The following SYNE1 variants were observed in gnomAD, a reference collection of about 807,000 sequenced individuals.
SYNE1 encodes nesprin-1.
A neutral mutation model predicts 1,111.0 loss-of-function variants in SYNE1; 616 were observed. The observed-to-expected ratio is 0.55, with a 90% CI of 0.52 to 0.59. The LOEUF is 0.59. Among genes scored for constraint, SYNE1 ranks in the 20% least tolerant of loss-of-function variants. SYNE1 has a pLI of 0.00. For synonymous variants in SYNE1, 3,855 were observed against 3,825.8 expected, an observed-to-expected ratio of 1.01 and a Z score of -0.28; for missense variants, 10,006 against 10,417.0, an observed-to-expected ratio of 0.96 and a Z score of 1.72.
Position 152,323,692 on chromosome 6 carries a change from G to C in SYNE1, c.15703C>G (p.Pro5235Ala). The C allele has an allele frequency of 6.2e-7, 1 of 1,614,178 alleles. No homozygotes were observed. The highest frequency in any genetic ancestry group is 8.5e-7 in the Non-Finnish European group (1 of 1,180,034). Residue 5235 changes from proline to alanine, a missense_variant, in exon 82 of 146, where the codon CCT becomes GCT. Coordinates refer to ENST00000367255, the MANE Select transcript of SYNE1 (RefSeq NM_182961.4). ...EMIDQLQDKL[P>A]GSSAEKASKA... is the part of the protein sequence containing the mutation. The stretch of plus-strand genomic sequence containing the variant: ...GATGCTTTCTCTGCTGAACTTCCAG[G>C]TAACTTATCTTGCAGCTGATCAATC...
intron 34 of SYNE1, among the ~76,000 whole-genome samples, chr6:152,431,835 A>G (rs2098432803): frequency 6.6e-6 from 1 of 152,142 alleles, no homozygotes; most frequent in African/African-American, 2.4e-5. Context: ...GGTATATCTC[A>G]TCAATATTTG....
At chr6:152,351,422 T>C (rs776034844) in intron 70 of SYNE1, among the ~76,000 whole-genome samples, 7 of 152,214 alleles carry the variant, frequency 4.6e-5, no homozygotes, top group Admixed American at 2.6e-4. Context: ...ATCATCCAGA[T>C]CAAATTTATA....
chr6:152,263,950 C>T lies in SYNE1; in HGVS notation c.18816-1762G>A, dbSNP rs116658747. Among the ~76,000 whole-genome samples, 414 of 151,856 alleles carry T rather than the reference C, an allele frequency of 2.7e-3. 3 individuals are homozygous for T. Among genetic ancestry groups the T allele is most frequent in the African/African-American group, 9.5e-3 (395 of 41,470 alleles). On this transcript the variant is annotated intron_variant, in intron 100 of 145. Coordinates refer to ENST00000367255, the MANE Select transcript of SYNE1 (RefSeq NM_182961.4). The stretch of plus-strand genomic sequence containing the variant: ...GACGAAAATGGGCTGGGTGTGGTGG[C>T]TCATGCCCAGCACTTTGGGAGGCCA...
intron 32 of SYNE1, among the ~76,000 whole-genome samples, chr6:152,438,509 CAT>C (rs2098497424): frequency 2.0e-5 from 3 of 152,256 alleles, no homozygotes; most frequent in African/African-American, 4.8e-5. Flanking sequence ...TCTTAGAAAA[CAT>C]ATGAGTGGCA....
At chr6:152,455,779 C>T in intron 23 of SYNE1, 107 bp downstream of exon 23, 11 of 1,504,578 alleles carry the variant, frequency 7.3e-6, no homozygotes, top group Non-Finnish European at 1.0e-5. Flanking sequence ...CTTCCAAACA[C>T]CAGCAGGTAA....
Position 152,331,624 on chromosome 6 carries a change from T to C in SYNE1, c.13061A>G (p.Gln4354Arg), listed in dbSNP as rs2096249908. Residue 4354 changes from glutamine to arginine, a missense_variant, in exon 78 of 146, where the codon CAG becomes CGG. Physicochemically the swap from Gln to Arg is conservative, Grantham distance 43. This residue lies in a region of SYNE1 where 4,955 missense variants were observed against 5,017.2 expected (regional missense o/e 0.99). Coordinates refer to ENST00000367255, the MANE Select transcript of SYNE1 (RefSeq NM_182961.4). ...CTCTTCTGCCCACTCCATTAGCTCC[T>C]GAAATCTGGACTGCACCACATTTAA... is the stretch of plus-strand genomic sequence containing the variant. Reference protein sequence around the residue: ...EELNVVQSRFQELMEWAEEQQ... With the variant: ...EELNVVQSRFRELMEWAEEQQ... 1 of 1,614,192 alleles carries C rather than the reference T, an allele frequency of 6.2e-7. No homozygotes were observed.
In SYNE1 at chr6:152,202,377, A is replaced by G. The variant is rs1332721636; in HGVS notation, c.23020-428T>C. ...AAAAAAAAAAAAAAAAAAGCAAAAA[A>G]AAAAAAGAACAAAGTTGCGCTGATG... On this transcript the variant is annotated intron_variant, in intron 126 of 145. Transcript: ENST00000367255. Among the ~76,000 whole-genome samples the G allele has an allele frequency of 1.7e-4, 26 of 150,150 alleles. 2 individuals carry two copies. Among genetic ancestry groups the G allele is most frequent in the Admixed American group, 1.2e-3 (18 of 15,134 alleles).
intron 3 of SYNE1, among the ~76,000 whole-genome samples, chr6:152,600,970 A>G (rs2099594786): frequency 2.0e-5 from 3 of 152,242 alleles, no homozygotes; most frequent in Non-Finnish European, 4.4e-5. Flanking sequence ...GATGGGAAAC[A>G]TGCTGTGATT....
At chr6:152,327,161 C>T (rs1300550786) in intron 78 of SYNE1, among the ~76,000 whole-genome samples, 1 of 152,030 alleles carries the variant, frequency 6.6e-6, no homozygotes, top group Non-Finnish European at 1.5e-5. Context: ...AGTGTGGTGG[C>T]ACATGCCTGT....
At position 152,281,808 on chromosome 6, in the gene SYNE1, T is replaced by C; in HGVS notation, c.18380A>G (p.Gln6127Arg). The C allele has an allele frequency of 1.2e-6, 2 of 1,614,186 alleles. No individual in the cohort carries two copies. Among genetic ancestry groups the C allele is most frequent in the Non-Finnish European group, 1.7e-6 (2 of 1,180,016 alleles). Reference protein sequence around the residue: ...MDMEAQLMDCQNMLVEIEQKV... With the variant: ...MDMEAQLMDCRNMLVEIEQKV... The stretch of plus-strand genomic sequence containing the variant: ...ATTCCTTTGAGACCATTTTGGTACC[T>C]GGCAGTCCATAAGCTGGGCCTCCAT... The change falls in exon 97 of 146, where the codon CAG (glutamine) becomes CGG (arginine). Residue 6127 changes from glutamine (Q) to arginine (R), a missense_variant and splice_region_variant. Transcript: ENST00000367255.
Position 152,189,334 on chromosome 6 carries a change from G to A in SYNE1, c.23219C>T (p.Ala7740Val). ...QLSLLKDTLS[A>V]YISADDISIL... ...GGAGATATCATCAGCACTGATATAGGCAGAGAGGGTGTCCTTCAGCAGGCT... is the reference window on the plus strand; with the variant it reads ...GGAGATATCATCAGCACTGATATAGACAGAGAGGGTGTCCTTCAGCAGGCT... The change falls in exon 128 of 146, where the codon GCC (alanine) becomes GTC (valine). Residue 7740 changes from alanine to valine, a missense_variant. Coordinates refer to ENST00000367255, the MANE Select transcript of SYNE1 (RefSeq NM_182961.4). The A allele has an allele frequency of 1.2e-6, 2 of 1,614,000 alleles. No homozygotes were observed. Among genetic ancestry groups the A allele is most frequent in the African/African-American group, 1.3e-5 (1 of 75,006 alleles).
intron 131 of SYNE1, among the ~76,000 whole-genome samples, chr6:152,157,798 G>A (rs1454544374): frequency 1.4e-5 from 2 of 146,218 alleles, no homozygotes; most frequent in Non-Finnish European, 3.0e-5. Flanking sequence ...TCACTCTGTC[G>A]CCCAGGCTGG....
intron 126 of SYNE1, 113 bp from the exon 127 acceptor site, chr6:152,202,062 G>C: frequency 4.4e-6 from 6 of 1,364,670 alleles, no homozygotes; most frequent in Non-Finnish European, 5.1e-6. Context: ...AAGTTACACT[G>C]ATGGCTGAGT....
intron 64 of SYNE1, 58 bp downstream of exon 64, chr6:152,362,112 T>C (rs905476792): frequency 6.2e-6 from 10 of 1,613,452 alleles, no homozygotes; most frequent in African/African-American, 5.3e-5. Flanking sequence ...TTTGTCTGAC[T>C]GTGGCATTCT....
chr6:152,190,252 A>C (rs2071841421), intron 127 of SYNE1, among the ~76,000 whole-genome samples: 1 of 152,172 alleles, frequency 6.6e-6, no homozygotes, highest in Non-Finnish European at 1.5e-5. Flanking sequence ...CAGAAACTCA[A>C]TCACATCTTC....
intron 68 of SYNE1, 71 bp downstream of exon 68, chr6:152,353,517 GT>G: frequency 1.2e-6 from 2 of 1,611,630 alleles, no homozygotes; most frequent in Non-Finnish European, 8.5e-7. Context: ...TTCACTGGAT[GT>G]TAGTGAAAGG....
At chr6:152,343,941 T>C (rs1412867912) in intron 74 of SYNE1, 140 bp downstream of exon 74, 1 of 1,224,154 alleles carries the variant, frequency 8.2e-7, no homozygotes, top group Admixed American at 2.0e-5. Flanking sequence ...TGAACTCCAC[T>C]AGAGCCAACC....
chr6:152,516,147 A>G (rs984433623), intron 6 of SYNE1, among the ~76,000 whole-genome samples: 1 of 152,198 alleles, frequency 6.6e-6, no homozygotes, highest in African/African-American at 2.4e-5. Flanking sequence ...AAAACTCATT[A>G]CTTCCCACAG....
chr6:152,419,476 A>T, intron 40 of SYNE1, 93 bp downstream of exon 40: 2 of 1,284,550 alleles, frequency 1.6e-6, no homozygotes, highest in Non-Finnish European at 2.2e-6. Flanking sequence ...CTCACCATTT[A>T]AACTTTTTTA....
Sources: gnomAD v4.1 joint callset for allele counts (sites outside exome capture counted in the v4.1 genomes callset) on GRCh38, gnomAD v4.1.1 for gene constraint, gnomAD v4.1.1 regional missense constraint, MANE v1.5 for transcripts, NCBI Gene and HGNC (gene_info 2026-07-23, HGNC 2026-07-21) for gene names.